SORCS3: variants seen among roughly 807,000 people sequenced by gnomAD.
The protein encoded by SORCS3 is sortilin related VPS10 domain containing receptor 3, also known as VPS10 domain-containing receptor SorCS3.
A neutral mutation model predicts 146.3 loss-of-function variants in SORCS3; 57 were observed. The ratio of observed to expected loss-of-function variants is 0.39; its 90% CI spans 0.31 to 0.49. SORCS3 has a LOEUF of 0.49. Among genes scored for constraint, SORCS3 ranks in the 20% least tolerant of loss-of-function variants. The pLI, the probability that SORCS3 is intolerant of heterozygous loss-of-function variation, is 0.92. For synonymous variants in SORCS3, 653 were observed against 618.5 expected, an observed-to-expected ratio of 1.06 and a Z score of -0.83; for missense variants, 1,341 against 1,575.5, an observed-to-expected ratio of 0.85 and a Z score of 2.52.
intron 23 of SORCS3, among the ~76,000 whole-genome samples, chr10:105,254,998 C>A (rs902735280): frequency 4.0e-5 from 6 of 150,618 alleles, no homozygotes; most frequent in African/African-American, 1.5e-4. Context: ...ACCATCCTGG[C>A]TAACACGGTG....
chr10:105,107,268 C>T (rs1283211101), intron 7 of SORCS3, among the ~76,000 whole-genome samples: 2 of 151,312 alleles, frequency 1.3e-5, no homozygotes, highest in East Asian at 3.9e-4. Flanking sequence ...ATTCCATTCT[C>T]ATTGTTATGG....
intron 6 of SORCS3, among the ~76,000 whole-genome samples, chr10:105,097,849 A>G (rs2055757567): frequency 6.6e-6 from 1 of 152,300 alleles, no homozygotes; most frequent in South Asian, 2.1e-4. Context: ...GGGCACTGTG[A>G]TAAGTGAACC....
intron 2 of SORCS3, among the ~76,000 whole-genome samples, chr10:104,858,491 G>A (rs2018359514): frequency 6.6e-6 from 1 of 152,104 alleles, no homozygotes; most frequent in Non-Finnish European, 1.5e-5. Context: ...CTTAAAAAAT[G>A]TTCTGGTGCA....
intron 4 of SORCS3, among the ~76,000 whole-genome samples, chr10:105,025,455 C>G (rs1483248381): frequency 2.0e-5 from 3 of 152,096 alleles, no homozygotes; most frequent in Non-Finnish European, 2.9e-5. Flanking sequence ...ATTCTAGAAG[C>G]AATTTAATCA....
intron 4 of SORCS3, among the ~76,000 whole-genome samples, chr10:104,994,493 G>C (rs1414305562): frequency 3.3e-5 from 5 of 152,112 alleles, no homozygotes; most frequent in African/African-American, 1.2e-4. Flanking sequence ...ATATAAACTT[G>C]ATAAAATTTT....
chr10:105,242,494 A>ATATATATTTATATACATTTATATATATT (rs1564793534), intron 20 of SORCS3, among the ~76,000 whole-genome samples: 1 of 15,952 alleles, frequency 6.3e-5, no homozygotes, highest in Admixed American at 6.9e-4. Flanking sequence ...TTATATATTT[A>ATATATATTTATATACATTTATATATATT]TATATATTTA....
chr10:104,872,691 A>G (rs147346150), intron 2 of SORCS3, among the ~76,000 whole-genome samples: 15 of 152,034 alleles, frequency 9.9e-5, no homozygotes, highest in East Asian at 9.7e-4. Flanking sequence ...TTGCAATGAT[A>G]TCTCCTCTGG....
intron 4 of SORCS3, among the ~76,000 whole-genome samples, chr10:105,003,131 G>A (rs947027169): frequency 7.2e-5 from 11 of 152,134 alleles, no homozygotes; most frequent in Admixed American, 3.3e-4. Context: ...CAATGGCATC[G>A]CTCTCATAGT....
chr10:104,647,145 C>T (rs1406331390), intron 1 of SORCS3, among the ~76,000 whole-genome samples: 4 of 152,154 alleles, frequency 2.6e-5, no homozygotes, highest in Non-Finnish European at 4.4e-5. Context: ...TGAGGAACTT[C>T]GGTTTCTTAA....
intron 1 of SORCS3, among the ~76,000 whole-genome samples, chr10:104,838,664 T>A (rs936103934): frequency 6.6e-6 from 1 of 152,172 alleles, no homozygotes; most frequent in African/African-American, 2.4e-5. Flanking sequence ...TAAGGTTAAA[T>A]TCAATGTAAA....
Position 105,111,275 on chromosome 10 carries a change from G to A in SORCS3, c.1212+5760G>A, listed in dbSNP as rs138492400. Among the ~76,000 whole-genome samples the A allele has an allele frequency of 2.1e-3, 318 of 152,240 alleles. 1 individual carries two copies. The highest frequency in any genetic ancestry group is 3.7e-3 in the Non-Finnish European group (249 of 68,014). On this transcript the variant is annotated intron_variant, in intron 7 of 26. Coordinates refer to ENST00000369701, the MANE Select transcript of SORCS3 (RefSeq NM_014978.3). ...GAAGTCTTCCCTGACATCCTCAGTC[G>A]GGATTGGACTAAGCTCCAATGCAGT...
intron 10 of SORCS3, among the ~76,000 whole-genome samples, chr10:105,157,952 C>T (rs1278376360): frequency 6.6e-6 from 1 of 152,226 alleles, no homozygotes; most frequent in Non-Finnish European, 1.5e-5. Context: ...AAAAAGTTTC[C>T]TCTTGCCACT....
chr10:105,146,099 C>A (rs1050186160), intron 8 of SORCS3, among the ~76,000 whole-genome samples: 1 of 152,108 alleles, frequency 6.6e-6, no homozygotes, highest in Non-Finnish European at 1.5e-5. Flanking sequence ...CACAGCAACA[C>A]GGTTGCCTTT....
intron 5 of SORCS3, among the ~76,000 whole-genome samples, chr10:105,050,907 T>A (rs1007570844): frequency 6.6e-6 from 1 of 152,136 alleles, no homozygotes; most frequent in African/African-American, 2.4e-5. Context: ...ACTTTAGATA[T>A]TTCATTTTGC....
At chr10:104,675,268 G>A (rs1402028470) in intron 1 of SORCS3, among the ~76,000 whole-genome samples, 1 of 152,118 alleles carries the variant, frequency 6.6e-6, no homozygotes, top group East Asian at 1.9e-4. Flanking sequence ...TAAAATGCCT[G>A]TTCAAGTATT....
chr10:104,714,067 C>T (rs2016449871), intron 1 of SORCS3, among the ~76,000 whole-genome samples: 1 of 152,036 alleles, frequency 6.6e-6, no homozygotes, highest in South Asian at 2.1e-4. Context: ...ATTTATTATC[C>T]TTTTAATGTC....
chr10:105,257,536 C>T (rs548810996), intron 25 of SORCS3, among the ~76,000 whole-genome samples: 41 of 152,154 alleles, frequency 2.7e-4, no homozygotes, highest in Admixed American at 8.5e-4. Flanking sequence ...TTATTAGAAA[C>T]GTAAAATTGA....
chr10:104,840,575 G>C (rs1589519678), intron 1 of SORCS3, among the ~76,000 whole-genome samples: 1 of 152,172 alleles, frequency 6.6e-6, no homozygotes, highest in African/African-American at 2.4e-5. Context: ...GTATAGCCCA[G>C]TGGCCAGAAT....
intron 4 of SORCS3, among the ~76,000 whole-genome samples, chr10:105,016,184 G>A (rs1437924042): frequency 1.8e-5 from 2 of 110,172 alleles, no homozygotes; most frequent in East Asian, 2.4e-4. Context: ...ATGGAGTCTC[G>A]CTCTGTCGCC....
Sources: allele counts gnomAD v4.1 joint callset (sites outside exome capture counted in the v4.1 genomes callset), GRCh38; gene constraint gnomAD v4.1.1; transcripts MANE v1.5; gene names NCBI Gene and HGNC (gene_info 2026-07-23, HGNC 2026-07-21).